SYT9: variants seen among roughly 807,000 people sequenced by gnomAD.
SYT9 encodes synaptotagmin-9.
In SYT9, 22 loss-of-function variants were observed where a neutral mutation model predicts 48.4. That is an observed-to-expected ratio of 0.45 (90% confidence interval 0.32 to 0.65). The LOEUF (loss-of-function observed/expected upper bound fraction) is 0.65. SYT9 is among the 30% of genes least tolerant of loss of function. SYT9 has a pLI of 0.03. For missense variants in SYT9, 577 were observed against 622.0 expected, an observed-to-expected ratio of 0.93 and a Z score of 0.77; for synonymous variants, 265 against 245.0, an observed-to-expected ratio of 1.08 and a Z score of -0.76.
chr11:7,418,930 C>A (rs1326811321), intron 5 of SYT9, among the ~76,000 whole-genome samples: 3 of 152,242 alleles, frequency 2.0e-5, no homozygotes, highest in Non-Finnish European at 2.9e-5. Flanking sequence ...AATATTCTGA[C>A]TTCTAATATT....
At chr11:7,398,081 T>C (rs1161695624) in intron 3 of SYT9, among the ~76,000 whole-genome samples, 2 of 152,156 alleles carry the variant, frequency 1.3e-5, no homozygotes, top group Non-Finnish European at 2.9e-5. Flanking sequence ...TCTTCATGAG[T>C]ATAATGTTAG....
chr11:7,412,675 T>C (rs1847160902), intron 3 of SYT9, among the ~76,000 whole-genome samples: 1 of 152,112 alleles, frequency 6.6e-6, no homozygotes, highest in Non-Finnish European at 1.5e-5. Flanking sequence ...GAAATGCTAG[T>C]AGTGGCAGCA....
chr11:7,293,095 C>G (rs1848723547), intron 1 of SYT9, among the ~76,000 whole-genome samples: 1 of 152,276 alleles, frequency 6.6e-6, no homozygotes, highest in East Asian at 1.9e-4. Flanking sequence ...AGGAACTGGT[C>G]ACGCTGATGA....
chr11:7,297,326 A>C (rs1848832855), intron 1 of SYT9, among the ~76,000 whole-genome samples: 1 of 152,142 alleles, frequency 6.6e-6, no homozygotes, highest in Admixed American at 6.5e-5. Context: ...TGTACTCAAA[A>C]CTCAGTTTCA....
At chr11:7,424,186 C>T (rs1847408987) in intron 6 of SYT9, among the ~76,000 whole-genome samples, 1 of 152,180 alleles carries the variant, frequency 6.6e-6, no homozygotes, top group South Asian at 2.1e-4. Context: ...ATGGAATCTT[C>T]AAAGCCAGTG....
chr11:7,318,083 T>G (rs559249841), intron 3 of SYT9, among the ~76,000 whole-genome samples: 1 of 152,370 alleles, frequency 6.6e-6, no homozygotes, highest in South Asian at 2.1e-4. Context: ...ATAGTATATC[T>G]CTCCATTTAC....
chr11:7,300,841 G>A (rs1848906792), intron 1 of SYT9, among the ~76,000 whole-genome samples: 1 of 152,094 alleles, frequency 6.6e-6, no homozygotes, highest in African/African-American at 2.4e-5. Context: ...TGTGTGAGCG[G>A]TCAGAACCAG....
chr11:7,349,376 T>C (rs1412531122), intron 3 of SYT9, among the ~76,000 whole-genome samples: 1 of 39,170 alleles, frequency 2.6e-5, no homozygotes, highest in Non-Finnish European at 6.3e-5. Context: ...CAATAAAAAA[T>C]ATACAAACAC....
intron 1 of SYT9, among the ~76,000 whole-genome samples, chr11:7,274,776 A>G (rs1282818030): frequency 6.6e-6 from 1 of 152,158 alleles, no homozygotes; most frequent in Non-Finnish European, 1.5e-5. Context: ...CTGATGCTGT[A>G]TAGTATAGAT....
At chr11:7,272,042 G>A (rs1848307110) in intron 1 of SYT9, among the ~76,000 whole-genome samples, 3 of 152,114 alleles carry the variant, frequency 2.0e-5, no homozygotes, top group African/African-American at 7.2e-5. Context: ...AAATAAACAA[G>A]AGCAGCACAT....
At chr11:7,265,967 A>G (rs561292899) in intron 1 of SYT9, among the ~76,000 whole-genome samples, 1 of 152,278 alleles carries the variant, frequency 6.6e-6, no homozygotes, top group East Asian at 1.9e-4. Flanking sequence ...ATCCTAGCCA[A>G]TATGCTCACT....
intron 3 of SYT9, among the ~76,000 whole-genome samples, chr11:7,415,119 T>G (rs1407861094): frequency 6.6e-6 from 1 of 151,946 alleles, no homozygotes; most frequent in African/African-American, 2.4e-5. Context: ...GGGGAGTCTT[T>G]AGAGGCACGC....
At position 7,293,473 on chromosome 11, in the gene SYT9, A is replaced by G. The variant is rs542530280; in HGVS notation, c.146-9566A>G. Among the ~76,000 whole-genome samples the G allele has an allele frequency of 3.3e-4, 50 of 152,310 alleles. 1 individual carries two copies. Among genetic ancestry groups the G allele is most frequent in the Middle Eastern group, 6.8e-3 (2 of 294 alleles). On this transcript the variant is annotated intron_variant, in intron 1 of 6. Coordinates refer to ENST00000318881, the MANE Select transcript of SYT9 (RefSeq NM_175733.4). ...ACCATGAATCAGAGCTAAGAGAGCC[A>G]CATACATGTCTGCTGCAAGAATGAA...
At position 7,442,370 on chromosome 11, in the gene SYT9, G is replaced by A. The variant is rs184857351; in HGVS notation, c.1467+21735G>A. On this transcript the variant is annotated intron_variant, in intron 6 of 6. Coordinates refer to ENST00000318881, the MANE Select transcript of SYT9 (RefSeq NM_175733.4). The stretch of plus-strand genomic sequence containing the variant: ...CTTCTGCAGCGCAAACCAGGGTGGA[G>A]GATGGTGTCAGACCCGTCTTTCGGA... 3.4e-3 allele frequency among the ~76,000 whole-genome samples: 517 copies of A among 152,288 alleles called. 6 individuals carry two copies. The highest frequency in any genetic ancestry group is 0.012 in the African/African-American group (487 of 41,518).
In SYT9 at chr11:7,468,435, A is replaced by G. The variant is rs1416242211; in HGVS notation, c.*1635A>G. The G allele has an allele frequency of 5.0e-6, 2 of 397,406 alleles. No homozygotes were observed. Among genetic ancestry groups the G allele is most frequent in the Non-Finnish European group, 8.9e-6 (2 of 225,482 alleles). The allele number at this position is 397,406 out of a possible 1,614,324, so 24.6% of individuals were successfully genotyped here. On this transcript the variant is annotated 3_prime_UTR_variant, in exon 7 of 7. Coordinates refer to ENST00000318881, the MANE Select transcript of SYT9 (RefSeq NM_175733.4). ...ACCACTGGGATTCAAAGAGAATCCA[A>G]GGTTCTGCCTATGTCTGATGACATA...
At chr11:7,403,673 T>C (rs12366165) in intron 3 of SYT9, among the ~76,000 whole-genome samples, 2,104 of 152,316 alleles carry the variant, frequency 0.014, 26 homozygotes, top group Non-Finnish European at 0.024. Flanking sequence ...GGTAAGAAAA[T>C]ATACTTTGTA....
intron 1 of SYT9, among the ~76,000 whole-genome samples, chr11:7,296,491 G>A (rs774232704): frequency 1.3e-5 from 2 of 152,204 alleles, no homozygotes; most frequent in Non-Finnish European, 2.9e-5. Context: ...ATGGATCTAA[G>A]TTCTCCTTCA....
At chr11:7,361,619 G>A (rs1248916231) in intron 3 of SYT9, among the ~76,000 whole-genome samples, 1 of 152,120 alleles carries the variant, frequency 6.6e-6, no homozygotes, top group East Asian at 1.9e-4. Flanking sequence ...ATTTACAGAA[G>A]TGTGTTTTAC....
chr11:7,458,932 T>C (rs72848003), intron 6 of SYT9, among the ~76,000 whole-genome samples: 18,529 of 152,258 alleles, frequency 0.12, 1,310 homozygotes, highest in Middle Eastern at 0.26. Flanking sequence ...GTGTTGAGAA[T>C]AGACTAGATA....
Sources: allele counts gnomAD v4.1 joint callset (sites outside exome capture counted in the v4.1 genomes callset), GRCh38; gene constraint gnomAD v4.1.1; transcripts MANE v1.5; gene names NCBI Gene and HGNC (gene_info 2026-07-23, HGNC 2026-07-21).